The following ITGA7 variants were observed in gnomAD, a reference collection of about 807,000 sequenced individuals.
The protein encoded by ITGA7 is integrin alpha-7.
ITGA7 carries 84 observed loss-of-function variants against 131.6 expected under a neutral mutation model. The ratio of observed to expected loss-of-function variants is 0.64; its 90% CI spans 0.54 to 0.77. The LOEUF is 0.77. ITGA7 is among the 30% of genes least tolerant of loss of function. The pLI is 0.00. For missense variants in ITGA7, 1,399 were observed against 1,482.9 expected (o/e 0.94, Z 0.93); for synonymous variants, 548 against 600.7 (o/e 0.91, Z 1.28).
upstream of ITGA7, chr12:55,715,973 C>T: frequency 2.1e-6 from 3 of 1,458,654 alleles, no homozygotes; most frequent in South Asian, 2.7e-5. Context: ...AACCCTCTAC[C>T]TCTCTTCCCC....
upstream of ITGA7, chr12:55,712,273 G>A (rs1199942339): frequency 1.3e-6 from 2 of 1,549,524 alleles, no homozygotes; most frequent in Admixed American, 2.0e-5. Context: ...GAGCCATTTG[G>A]ACTGTCTCAA....
upstream of ITGA7, chr12:55,712,534 A>T: frequency 1.9e-6 from 1 of 536,780 alleles, no homozygotes; most frequent in Non-Finnish European, 3.3e-6. Context: ...AGAAGAGGGA[A>T]ATGAGTGAAG....
Position 55,697,458 on chromosome 12 carries a change from AG to A in ITGA7, c.1497del (p.Ser500ArgfsTer6). On this transcript the variant is annotated frameshift_variant, in exon 10 of 25. Coordinates refer to ENST00000257879, the MANE Select transcript of ITGA7 (RefSeq NM_002206.3). LOFTEE classifies it high-confidence loss of function. ...DLEQPNCAGG[H>X]SVCVDLRVCF... ...CACCCGATCCCACCTCACCAGACCG[AG>A]TGGCCGCCAGCACAGTTGGGCTGCT... 1 of 1,613,992 alleles carries A rather than the reference AG, an allele frequency of 6.2e-7. No homozygotes were observed. The highest frequency in any genetic ancestry group is 8.5e-7 in the Non-Finnish European group (1 of 1,179,950).
intron 1 of ITGA7, among the ~76,000 whole-genome samples, chr12:55,704,051 C>G (rs1378541127): frequency 1.3e-5 from 2 of 152,230 alleles, no homozygotes; most frequent in Admixed American, 1.3e-4. Context: ...TGCCTGGGTC[C>G]CCTGGGGCTG....
chr12:55,687,169 C>CTTTT (rs1187388992), intron 24 of ITGA7, among the ~76,000 whole-genome samples: 10 of 88,174 alleles, frequency 1.1e-4, no homozygotes, highest in African/African-American at 2.9e-4. Flanking sequence ...CATCTGATTT[C>CTTTT]TTTTTTTTTT....
rs756108001 is a variant in ITGA7, at chr12:55,697,945, G to C, written c.1274C>G (p.Pro425Arg). The change falls in exon 8 of 25, where the codon CCT becomes CGT. Residue 425 changes from proline to arginine, a missense_variant. Pro to Arg is a moderately radical substitution (Grantham distance 103). Coordinates refer to ENST00000257879, the MANE Select transcript of ITGA7 (RefSeq NM_002206.3). ...CCCAGCGACTCCCCTCACCTGTGAA[G>C]GTTTGGCGACAACCCCCAGGCTGCT... ...HGSSLGVVAK[P>R]SQVLEGEAVG... The C allele has an allele frequency of 1.2e-6, 2 of 1,614,122 alleles. No homozygotes were observed. The highest frequency in any genetic ancestry group is 1.7e-6 in the Non-Finnish European group (2 of 1,180,026).
chr12:55,705,306 T>G (rs529853716), intron 1 of ITGA7, among the ~76,000 whole-genome samples: 1 of 150,248 alleles, frequency 6.7e-6, no homozygotes, highest in Non-Finnish European at 1.5e-5. Context: ...CCTGGCTTCA[T>G]GCCATACGCC....
At chr12:55,702,182 ATT>A (rs35183674) in intron 3 of ITGA7, among the ~76,000 whole-genome samples, 2 of 141,000 alleles carry the variant, frequency 1.4e-5, no homozygotes, top group Non-Finnish European at 1.5e-5. Flanking sequence ...CACCTAGCTA[ATT>A]TTTTTTTTTT....
Position 55,698,445 on chromosome 12 carries a change from G to A in ITGA7, c.1130C>T (p.Pro377Leu), listed in dbSNP as rs1873139228. ...CAGGCTGATCCCGAACATGGAGTCA[G>A]GGGAGCCGCAGAGCCGGAGAGGGGA... ...GISPLRLCGS[P>L]DSMFGISLAV... Residue 377 changes from proline (P) to leucine (L), a missense_variant, in exon 7 of 25, where the codon CCT (proline) becomes CTT (leucine). By Grantham distance (98) the Pro-to-Leu change is moderately conservative. Transcript: ENST00000257879. 1.9e-6 allele frequency: 3 copies of A among 1,613,602 alleles called. No individual in the cohort carries two copies. The highest frequency in any genetic ancestry group is 1.3e-5 in the African/African-American group (1 of 74,890).
upstream of ITGA7, among the ~76,000 whole-genome samples, chr12:55,710,826 T>A (rs1482099958): frequency 4.0e-5 from 6 of 150,436 alleles, no homozygotes; most frequent in African/African-American, 1.2e-4. Context: ...GACAAAACTA[T>A]AGAAATGAAG....
intron 24 of ITGA7, chr12:55,686,173 C>T: frequency 8.1e-7 from 1 of 1,237,596 alleles, no homozygotes; most frequent in Non-Finnish European, 1.1e-6. Flanking sequence ...CCCACACACA[C>T]TAGACACATG....
intron 1 of ITGA7, among the ~76,000 whole-genome samples, chr12:55,704,526 C>T (rs530393648): frequency 2.6e-5 from 4 of 152,284 alleles, no homozygotes; most frequent in East Asian, 1.9e-4. Context: ...CCTACTATGA[C>T]GTCAGATCCG....
chr12:55,695,115 G>T (rs1053639657), intron 14 of ITGA7, 145 bp from the exon 15 acceptor site: 83 of 776,210 alleles, frequency 1.1e-4, no homozygotes, highest in Non-Finnish European at 1.6e-4. Context: ...CAAGCCTCAG[G>T]CCTCTGTACA....
intron 3 of ITGA7, chr12:55,701,456 GAT>G (rs1394280434): frequency 6.5e-7 from 1 of 1,546,426 alleles, no homozygotes; most frequent in Admixed American, 2.0e-5. Flanking sequence ...CACCACATAG[GAT>G]GTGTGTCTCC....
chr12:55,697,365 C>A (rs80032534), intron 10 of ITGA7, 86 bp downstream of exon 10: 2 of 1,578,524 alleles, frequency 1.3e-6, no homozygotes, highest in Admixed American at 1.7e-5. Context: ...CCTGTCACAG[C>A]CCCAGCCCCA....
chr12:55,696,042 G>A (rs1872559615), intron 13 of ITGA7, among the ~76,000 whole-genome samples: 1 of 152,218 alleles, frequency 6.6e-6, no homozygotes, highest in Non-Finnish European at 1.5e-5. Context: ...AGAGCTTGAA[G>A]GCCGCATTTG....
chr12:55,708,787 A>C (rs2136109213), upstream of ITGA7, among the ~76,000 whole-genome samples: 1 of 152,294 alleles, frequency 6.6e-6, no homozygotes, highest in Admixed American at 6.5e-5. Context: ...TTTCCTATCC[A>C]TGAAAGGGGA....
chr12:55,712,131 G>A (rs1293905622), upstream of ITGA7: 7 of 1,551,536 alleles, frequency 4.5e-6, no homozygotes, highest in East Asian at 1.7e-4. Context: ...AACCATGGGA[G>A]TGGCTGGGAG....
chr12:55,697,668 G>A (rs778974064), intron 9 of ITGA7, 27 bp downstream of exon 9: 12 of 1,614,020 alleles, frequency 7.4e-6, no homozygotes, highest in Non-Finnish European at 5.9e-6. Flanking sequence ...ACGGCCTCAG[G>A]GAGGGAAAAG....
Sources: gnomAD v4.1 joint callset for allele counts (sites outside exome capture counted in the v4.1 genomes callset) on GRCh38, gnomAD v4.1.1 for gene constraint, MANE v1.5 for transcripts, NCBI Gene and HGNC (gene_info 2026-07-23, HGNC 2026-07-21) for gene names.